The following LINGO2 variants were observed in gnomAD, a reference collection of about 807,000 sequenced individuals.
The protein encoded by LINGO2 is leucine-rich repeat and immunoglobulin-like domain-containing nogo receptor-interacting protein 2.
A neutral mutation model predicts 30.6 loss-of-function variants in LINGO2; 14 were observed. That is an observed-to-expected ratio of 0.46 (90% CI 0.30 to 0.72). The LOEUF is 0.72. Ranked by LOEUF, LINGO2 falls within the 30% of genes least tolerant of loss-of-function variation. LINGO2 has a pLI of 0.07. For synonymous variants in LINGO2, 317 were observed against 288.5 expected, an observed-to-expected ratio of 1.10 and a Z score of -1.00; for missense variants, 729 against 751.7, an observed-to-expected ratio of 0.97 and a Z score of 0.35.
chr9:28,764,176 G>A, the LINGO2 span, among the ~76,000 whole-genome samples: 1 of 150,632 alleles, frequency 6.6e-6, no homozygotes, highest in African/African-American at 2.4e-5. Flanking sequence ...CTTCTTACAA[G>A]GGCAGCATAA....
At chr9:28,334,629 C>T (rs566877079) in intron 3 of LINGO2, among the ~76,000 whole-genome samples, 1 of 151,960 alleles carries the variant, frequency 6.6e-6, no homozygotes, top group Non-Finnish European at 1.5e-5. Flanking sequence ...GTTTGGGTGG[C>T]GTAGTGGTTA....
At chr9:29,043,409 AT>A in the LINGO2 span, among the ~76,000 whole-genome samples, 1 of 151,996 alleles carries the variant, frequency 6.6e-6, no homozygotes. Context: ...AGATGAACAA[AT>A]TTTAAGAATC....
At chr9:28,918,782 G>C in the LINGO2 span, among the ~76,000 whole-genome samples, 79 of 151,374 alleles carry the variant, frequency 5.2e-4, 1 homozygote, top group Non-Finnish European at 2.5e-4. Context: ...CTATCAATTA[G>C]AAAAACATGA....
the LINGO2 span, among the ~76,000 whole-genome samples, chr9:28,844,836 CATT>C: frequency 6.6e-6 from 1 of 151,796 alleles, no homozygotes; most frequent in African/African-American, 2.4e-5. Flanking sequence ...CTGAAACATG[CATT>C]ATTATAATTA....
At chr9:28,877,937 G>A in the LINGO2 span, among the ~76,000 whole-genome samples, 3 of 152,100 alleles carry the variant, frequency 2.0e-5, no homozygotes, top group African/African-American at 7.2e-5. Context: ...TTGAGCAGTG[G>A]TTTGTAGTTC....
the LINGO2 span, among the ~76,000 whole-genome samples, chr9:29,105,478 G>T: frequency 6.6e-6 from 1 of 152,046 alleles, no homozygotes; most frequent in Admixed American, 6.5e-5. Flanking sequence ...TTCAGTCATC[G>T]AAAAGTAAAG....
chr9:28,971,389 C>T, the LINGO2 span, among the ~76,000 whole-genome samples: 1 of 152,130 alleles, frequency 6.6e-6, no homozygotes, highest in African/African-American at 2.4e-5. Context: ...TGGACCTGCC[C>T]ATTGCCAGAA....
At chr9:28,290,684 A>G (rs1470919036) in intron 4 of LINGO2, among the ~76,000 whole-genome samples, 2 of 152,198 alleles carry the variant, frequency 1.3e-5, no homozygotes, top group African/African-American at 4.8e-5. Flanking sequence ...GGAAGCAATC[A>G]TGAGGAGTGA....
intron 2 of LINGO2, among the ~76,000 whole-genome samples, chr9:28,401,842 A>G (rs1420988903): frequency 6.6e-6 from 1 of 152,110 alleles, no homozygotes; most frequent in Non-Finnish European, 1.5e-5. Flanking sequence ...CTGGCATGAG[A>G]TGGTATCTCA....
At chr9:28,958,482 A>AGGG in the LINGO2 span, among the ~76,000 whole-genome samples, 1 of 152,056 alleles carries the variant, frequency 6.6e-6, no homozygotes, top group Non-Finnish European at 1.5e-5. Flanking sequence ...TACTGAAAAA[A>AGGG]GGGGTGCTGA....
upstream of LINGO2, among the ~76,000 whole-genome samples, chr9:28,674,605 G>A (rs1054454016): frequency 2.0e-5 from 3 of 152,024 alleles, no homozygotes; most frequent in African/African-American, 7.2e-5. Flanking sequence ...TCAAGGTGGG[G>A]AAAAAGGGAG....
chr9:27,983,821 C>G (rs2118942662), intron 5 of LINGO2, among the ~76,000 whole-genome samples: 1 of 151,944 alleles, frequency 6.6e-6, no homozygotes, highest in East Asian at 2.0e-4. Context: ...CTGTCACATG[C>G]CAAGATATTA....
At chr9:28,263,727 G>A (rs910271863) in intron 4 of LINGO2, among the ~76,000 whole-genome samples, 5 of 151,858 alleles carry the variant, frequency 3.3e-5, no homozygotes, top group African/African-American at 1.2e-4. Context: ...ATCTTCCCTG[G>A]TTTGCAATGA....
At chr9:28,741,130 C>T in the LINGO2 span, among the ~76,000 whole-genome samples, 2 of 152,066 alleles carry the variant, frequency 1.3e-5, no homozygotes, top group South Asian at 4.2e-4. Flanking sequence ...CATAGTATCT[C>T]AGTTCATGAG....
At chr9:28,464,658 T>C (rs1327540284) in intron 2 of LINGO2, among the ~76,000 whole-genome samples, 1 of 152,226 alleles carries the variant, frequency 6.6e-6, no homozygotes, top group African/African-American at 2.4e-5. Flanking sequence ...TTTATTTTAC[T>C]GTATTGTTAA....
the LINGO2 span, among the ~76,000 whole-genome samples, chr9:28,804,656 G>C: frequency 9.2e-5 from 14 of 151,682 alleles, no homozygotes; most frequent in African/African-American, 3.1e-4. Flanking sequence ...AAAATAATTT[G>C]TCTATATTCT....
intron 1 of LINGO2, among the ~76,000 whole-genome samples, chr9:28,638,107 A>G (rs981529929): frequency 2.0e-5 from 3 of 152,204 alleles, no homozygotes; most frequent in African/African-American, 7.2e-5. Context: ...GGTTCTGTAT[A>G]TATACTGGAT....
chr9:28,364,856 C>T (rs1820596532), intron 3 of LINGO2, among the ~76,000 whole-genome samples: 1 of 152,196 alleles, frequency 6.6e-6, no homozygotes, highest in African/African-American at 2.4e-5. Flanking sequence ...AAGGCACACA[C>T]TATGGCCTAT....
chr9:28,705,241 C>G, the LINGO2 span, among the ~76,000 whole-genome samples: 1 of 151,964 alleles, frequency 6.6e-6, no homozygotes, highest in East Asian at 1.9e-4. Flanking sequence ...TCTTGATAGA[C>G]AGATATAATG....
Sources: allele counts gnomAD v4.1 joint callset (sites outside exome capture counted in the v4.1 genomes callset), GRCh38; gene constraint gnomAD v4.1.1; transcripts MANE v1.5; gene names NCBI Gene and HGNC (gene_info 2026-07-23, HGNC 2026-07-21).